The following COX7A2 variants were observed in gnomAD, a reference collection of about 807,000 sequenced individuals.
COX7A2 encodes the protein cytochrome c oxidase subunit 7A2, also known as cytochrome c oxidase subunit 7A2, mitochondrial.
A neutral mutation model predicts 11.6 loss-of-function variants in COX7A2; 11 were observed. The observed-to-expected ratio is 0.95, with a 90% CI of 0.60 to 1.57. COX7A2 has a LOEUF of 1.57. Among genes scored for constraint, COX7A2 ranks in the 40% most tolerant of loss-of-function variants. The probability of loss-of-function intolerance (pLI) is 0.00; values close to 1 mark genes in which losing one functional copy is unlikely to be tolerated. For missense variants in COX7A2, 106 were observed against 100.9 expected (o/e 1.05, Z -0.22); for synonymous variants, 30 against 38.2 (o/e 0.78, Z 0.79).
intron 2 of COX7A2, 131 bp downstream of exon 2, chr6:75,241,045 T>C (rs914252443): frequency 2.5e-6 from 3 of 1,212,758 alleles, no homozygotes; most frequent in East Asian, 2.4e-5. Flanking sequence ...CTATGGTACA[T>C]GTCCTTGACT....
intron 1 of COX7A2, among the ~76,000 whole-genome samples, chr6:75,242,599 A>T (rs1156717804): frequency 5.7e-5 from 1 of 17,394 alleles, no homozygotes; most frequent in Non-Finnish European, 1.2e-4. Context: ...AGGCGGGCGG[A>T]TCACTTGAGG....
chr6:75,245,581 CT>C (rs952396908), upstream of COX7A2, among the ~76,000 whole-genome samples: 2 of 152,144 alleles, frequency 1.3e-5, no homozygotes, highest in African/African-American at 4.8e-5. Context: ...CAATTTCCCC[CT>C]TTACTGGATC....
At chr6:75,247,485 T>C (rs1771704802), upstream of COX7A2, among the ~76,000 whole-genome samples, 2 of 152,216 alleles carry the variant, frequency 1.3e-5, no homozygotes, top group South Asian at 4.1e-4. Context: ...CCATACTTTA[T>C]CATATTCTGA....
At chr6:75,243,923 C>T, upstream of COX7A2, 2 of 1,122,432 alleles carry the variant, frequency 1.8e-6, no homozygotes, top group Non-Finnish European at 1.3e-6. Flanking sequence ...CGGCTCTATC[C>T]GCTCTAGCCG....
upstream of COX7A2, chr6:75,244,024 G>A: frequency 1.9e-6 from 1 of 518,132 alleles, no homozygotes; most frequent in Non-Finnish European, 3.5e-6. Flanking sequence ...AAAAGCAAAC[G>A]ATTTATGAGA....
At position 75,240,392 on chromosome 6, in the gene COX7A2, TTAA is replaced by T; in HGVS notation, c.109-10_109-8del. ...GTGGAATTTCATCATCCTCCTAGATTTAAAAAAAAAAAAAAAAGACAATAATAA... is the reference window on the plus strand; with the variant it reads ...GTGGAATTTCATCATCCTCCTAGATTAAAAAAAAAAAAAAGACAATAATAA... On this transcript the variant is annotated splice_polypyrimidine_tract_variant and splice_region_variant and intron_variant, in intron 2 of 3. Coordinates refer to ENST00000684430, the MANE Select transcript of COX7A2 (RefSeq NM_001366293.2). 7.1e-7 allele frequency: 1 copy of T among 1,400,638 alleles called. No homozygotes were observed. The highest frequency in any genetic ancestry group is 2.0e-5 in the African/African-American group (1 of 48,834). The allele number at this position is 1,400,638 out of a possible 1,614,324, so 86.8% of individuals were successfully genotyped here.
At chr6:75,239,903 A>C (rs1771438215) in intron 3 of COX7A2, among the ~76,000 whole-genome samples, 1 of 152,168 alleles carries the variant, frequency 6.6e-6, no homozygotes, top group African/African-American at 2.4e-5. Context: ...GGAGTTCAAG[A>C]CCAGCCTGAC....
rs1771366887 is a variant in COX7A2, at chr6:75,237,970, T to C, written c.212A>G (p.Tyr71Cys). 1.2e-6 allele frequency: 2 copies of C among 1,603,292 alleles called. No homozygotes were observed. Among genetic ancestry groups the C allele is most frequent in the Non-Finnish European group, 1.7e-6 (2 of 1,173,120 alleles). The part of the protein sequence containing the change: ...LTVGGTAYAI[Y>C]ELAVASFPKK... ...GGGAAATGAAGCCACAGCCAGCTCATATATGGCATATGCTGTTCCTAAAAA... is the reference window on the plus strand; with the variant it reads ...GGGAAATGAAGCCACAGCCAGCTCACATATGGCATATGCTGTTCCTAAAAA... Residue 71 changes from tyrosine to cysteine, a missense_variant, in exon 4 of 4, where the codon TAT (tyrosine) becomes TGT (cysteine). Coordinates refer to ENST00000684430, the MANE Select transcript of COX7A2 (RefSeq NM_001366293.2).
chr6:75,241,230 A>C lies in COX7A2; in HGVS notation c.54T>G (p.Thr18=). The C allele has an allele frequency of 6.3e-7, 1 of 1,590,908 alleles. No homozygotes were observed. Among genetic ancestry groups the C allele is most frequent in the East Asian group, 2.2e-5 (1 of 44,642 alleles). ...TATTTTTAAAATGCCTGCGGGAAGC[A>C]GTGCTTATCGTCCTCTGCCCAATCT... ...LRQIGQRTIS[T]ASRRHFKNKV... Residue 18 remains threonine, a synonymous_variant, in exon 2 of 4, where the codon ACT becomes ACG. Coordinates refer to ENST00000684430, the MANE Select transcript of COX7A2 (RefSeq NM_001366293.2).
At chr6:75,246,447 A>T (rs1771683521), upstream of COX7A2, among the ~76,000 whole-genome samples, 3 of 152,188 alleles carry the variant, frequency 2.0e-5, no homozygotes, top group South Asian at 4.1e-4. Flanking sequence ...CCAAGCCATC[A>T]TCATCTCTTG....
upstream of COX7A2, chr6:75,243,826 T>C (rs1445604187): frequency 1.2e-6 from 2 of 1,613,898 alleles, no homozygotes; most frequent in Non-Finnish European, 1.7e-6. Flanking sequence ...GTCTTGCGTA[T>C]GCATTCACGA....
chr6:75,240,419 A>T, intron 2 of COX7A2, 34 bp from the exon 3 acceptor site: 4 of 1,401,580 alleles, frequency 2.9e-6, no homozygotes, highest in Non-Finnish European at 3.9e-6. Context: ...AGACAATAAT[A>T]AATGTCTCAC....
At chr6:75,240,746 C>A in intron 2 of COX7A2, 1 of 120,920 alleles carries the variant, frequency 8.3e-6, no homozygotes, top group Non-Finnish European at 1.7e-5. Flanking sequence ...TAGATTTAGT[C>A]ATAGGAAACT....
At chr6:75,244,137 C>T (rs1771626259), upstream of COX7A2, 1 of 235,974 alleles carries the variant, frequency 4.2e-6, no homozygotes, top group Non-Finnish European at 8.6e-6. Context: ...ACCTTGAAGC[C>T]GCTAGAAACT....
chr6:75,246,582 G>A (rs1012327083), upstream of COX7A2, among the ~76,000 whole-genome samples: 1 of 152,174 alleles, frequency 6.6e-6, no homozygotes, highest in Non-Finnish European at 1.5e-5. Flanking sequence ...AAACTCGGTT[G>A]TGTTTACTCA....
chr6:75,239,964 G>A (rs145361398), intron 3 of COX7A2, among the ~76,000 whole-genome samples: 68 of 152,240 alleles, frequency 4.5e-4, no homozygotes, highest in African/African-American at 1.6e-3. Context: ...AGCCAGGCAT[G>A]GTGGTGCACG....
In COX7A2 at chr6:75,241,966, C is replaced by T. The variant is rs144838243; in HGVS notation, c.19-701G>A. On this transcript the variant is annotated intron_variant, in intron 1 of 3. Coordinates refer to ENST00000684430, the MANE Select transcript of COX7A2 (RefSeq NM_001366293.2). ...CCGTTTCAAAGAAAAAATTCTATTA[C>T]TAGGCAGGCAGATCACTTGAAGTCC... The T allele has an allele frequency of 9.9e-3, 1,520 of 153,238 alleles. 27 individuals carry two copies. Among genetic ancestry groups the T allele is most frequent in the African/African-American group, 0.025 (1,030 of 41,308 alleles). The allele number at this position is 153,238 out of a possible 1,614,324, so 9.5% of individuals were successfully genotyped here. A position where few individuals can be genotyped will look rare whatever the true frequency, so the allele number is the denominator to read the frequency against.
At chr6:75,249,779 G>C (rs2149515457) in intron 1 of COX7A2, among the ~76,000 whole-genome samples, 1 of 152,350 alleles carries the variant, frequency 6.6e-6, no homozygotes, top group South Asian at 2.1e-4. Context: ...GGGCTACTTA[G>C]AGGTTCAAGT....
At chr6:75,243,470 CG>C (rs1333683420) in intron 1 of COX7A2, among the ~76,000 whole-genome samples, 1 of 152,116 alleles carries the variant, frequency 6.6e-6, no homozygotes, top group Non-Finnish European at 1.5e-5. Flanking sequence ...GAACCCAAGA[CG>C]GGTCTAACCC....
Sources: gnomAD v4.1 joint callset for allele counts (sites outside exome capture counted in the v4.1 genomes callset) on GRCh38, gnomAD v4.1.1 for gene constraint, MANE v1.5 for transcripts, NCBI Gene and HGNC (gene_info 2026-07-23, HGNC 2026-07-21) for gene names.